The following P4HB variants were observed in gnomAD, a reference collection of about 807,000 sequenced individuals.
P4HB encodes prolyl 4-hydroxylase subunit beta, also known as protein disulfide-isomerase.
A neutral mutation model predicts 52.6 loss-of-function variants in P4HB; 20 were observed. The observed-to-expected ratio is 0.38, with a 90% CI of 0.27 to 0.55. The LOEUF is 0.55. P4HB is among the 20% of genes least tolerant of loss of function. The pLI, the probability that P4HB is intolerant of heterozygous loss-of-function variation, is 0.74. For missense variants in P4HB, 601 were observed against 669.2 expected (o/e 0.90, Z 1.12); for synonymous variants, 296 against 277.9 (o/e 1.07, Z -0.65).
chr17:81,845,838 A>C, intron 8 of P4HB, 33 bp downstream of exon 8: 1 of 1,614,032 alleles, frequency 6.2e-7, no homozygotes, highest in Non-Finnish European at 8.5e-7. Context: ...CCCTGGTGGC[A>C]CGGACCTGGG....
rs199687627 is a variant in P4HB, at chr17:81,845,130, G to T, written c.1446+14C>A. 1 of 1,599,988 alleles carries T rather than the reference G, an allele frequency of 6.3e-7. No homozygotes were observed. Among genetic ancestry groups the T allele is most frequent in the Non-Finnish European group, 8.6e-7 (1 of 1,167,934 alleles). ...GAATCCCAGAGACCAGCCCAGGGCT[G>T]TGACCCCACTCACGTCATCATCCCC... is the stretch of plus-strand genomic sequence containing the variant. On this transcript the variant is annotated intron_variant, in intron 10 of 10. Transcript: ENST00000331483.
At position 81,846,553 on chromosome 17, in the gene P4HB, T is replaced by A. The variant is rs1161124277; in HGVS notation, c.932A>T (p.Glu311Val). 6 of 1,613,954 alleles carry A rather than the reference T, an allele frequency of 3.7e-6. No individual in the cohort carries two copies. Among genetic ancestry groups the A allele is most frequent in the Non-Finnish European group, 5.1e-6 (6 of 1,180,018 alleles). ...GGTGATGAGGCGCACGGCCGGGCAC[T>A]CTTCCTTCTTCAGGCCAAAGAACTC... ...ILEFFGLKKE[E>V]CPAVRLITLE... is the part of the protein sequence containing the mutation. Residue 311 changes from glutamate (E) to valine (V), a missense_variant, in exon 7 of 11, where the codon GAG (glutamate) becomes GTG (valine). Coordinates refer to ENST00000331483, the MANE Select transcript of P4HB (RefSeq NM_000918.4). The surrounding 1 kb of genome is among the most constrained non-coding windows in gnomAD (Gnocchi z 5.7).
rs777154689 is a variant in P4HB, at chr17:81,855,426, G to C, written c.486+27C>G. On this transcript the variant is annotated intron_variant, in intron 3 of 10. Coordinates refer to ENST00000331483, the MANE Select transcript of P4HB (RefSeq NM_000918.4). This position sits in a 1 kb window ranked among gnomAD's most constrained non-coding sequence, Gnocchi z 4.3. ...CCTCCTCAATGGATGACGGAAGGAA[G>C]GAAGACTGGAATGCTCTGGTCTCTA... The C allele has an allele frequency of 1.2e-6, 2 of 1,600,856 alleles. No individual in the cohort carries two copies. Among genetic ancestry groups the C allele is most frequent in the South Asian group, 2.2e-5 (2 of 90,054 alleles).
intron 4 of P4HB, among the ~76,000 whole-genome samples, chr17:81,854,806 C>T (rs1167609095): frequency 6.7e-6 from 1 of 148,866 alleles, no homozygotes; most frequent in Non-Finnish European, 1.5e-5. Flanking sequence ...CACGCAACTG[C>T]ACTCCAGCAT....
At chr17:81,859,547 T>G in intron 1 of P4HB, 160 bp from the exon 2 acceptor site, 1 of 645,016 alleles carries the variant, frequency 1.6e-6, no homozygotes, top group Non-Finnish European at 2.7e-6. Context: ...GCTGATAGCC[T>G]GGTGTTCTTG....
chr17:81,847,518 A>C, intron 4 of P4HB, 171 bp from the exon 5 acceptor site: 1 of 636,836 alleles, frequency 1.6e-6, no homozygotes, highest in Non-Finnish European at 2.9e-6. Context: ...CTCGACAGTA[A>C]GACTGGCTCT....
intron 2 of P4HB, among the ~76,000 whole-genome samples, chr17:81,858,038 G>A (rs2038938311): frequency 1.3e-5 from 2 of 152,186 alleles, no homozygotes; most frequent in South Asian, 4.1e-4. Context: ...CACTCTAGGA[G>A]GCCGAGACGG....
chr17:81,857,645 C>T (rs1039063934), intron 2 of P4HB, among the ~76,000 whole-genome samples: 25 of 152,160 alleles, frequency 1.6e-4, no homozygotes, highest in African/African-American at 6.0e-4. Flanking sequence ...CCAGGCGTTT[C>T]GGGAGTTCTC....
intron 2 of P4HB, among the ~76,000 whole-genome samples, chr17:81,856,224 T>C (rs955492514): frequency 1.3e-5 from 2 of 151,574 alleles, no homozygotes; most frequent in African/African-American, 4.9e-5. Flanking sequence ...TAGAGTGCAG[T>C]GGCATGATCA....
At chr17:81,857,999 G>A (rs2038937437) in intron 2 of P4HB, among the ~76,000 whole-genome samples, 1 of 152,148 alleles carries the variant, frequency 6.6e-6, no homozygotes, top group Admixed American at 6.6e-5. Context: ...AGTAAAAAAT[G>A]AGAACATCAA....
intron 4 of P4HB, among the ~76,000 whole-genome samples, chr17:81,850,649 A>G (rs1006600865): frequency 5.4e-5 from 8 of 148,950 alleles, no homozygotes; most frequent in African/African-American, 2.0e-4. Context: ...ACGCCTGGCA[A>G]ATTTTGTATT....
At position 81,846,523 on chromosome 17, in the gene P4HB, T is replaced by C; in HGVS notation, c.962A>G (p.Glu321Gly). The C allele has an allele frequency of 1.2e-6, 2 of 1,613,862 alleles. No individual in the cohort carries two copies. The highest frequency in any genetic ancestry group is 1.7e-6 in the Non-Finnish European group (2 of 1,179,910). ...GGGCTTGTACTTGGTCATCTCCTCC[T>C]CCAGGGTGATGAGGCGCACGGCCGG... is the stretch of plus-strand genomic sequence containing the variant. The part of the protein sequence containing the change: ...ECPAVRLITL[E>G]EEMTKYKPES... The change falls in exon 7 of 11, where the codon GAG becomes GGG. Residue 321 changes from glutamate to glycine, a missense_variant. By Grantham distance (98) the Glu-to-Gly change is moderately conservative. Coordinates refer to ENST00000331483, the MANE Select transcript of P4HB (RefSeq NM_000918.4). The surrounding 1 kb of genome is among the most constrained non-coding windows in gnomAD (Gnocchi z 5.7).
chr17:81,860,301 G>T, intron 1 of P4HB, 26 bp downstream of exon 1: 3 of 1,414,034 alleles, frequency 2.1e-6, no homozygotes, highest in South Asian at 2.9e-5. Flanking sequence ...CCCGAGCCCC[G>T]CCCGCCCGCC....
rs532350507 is a variant in P4HB at position 81,849,055 on chromosome 17, A to G, written c.625-1708T>C. On this transcript the variant is annotated intron_variant, in intron 4 of 10. Transcript: ENST00000331483. ...AGCAAGACTCTGTCTCAAAAAAAAA[A>G]AAAAATACAAAAATACAAAAATCAG... is the stretch of plus-strand genomic sequence containing the variant. Among the ~76,000 whole-genome samples the G allele has an allele frequency of 4.9e-4, 75 of 151,684 alleles. 1 individual carries two copies. Among genetic ancestry groups the G allele is most frequent in the African/African-American group, 1.7e-3 (72 of 41,348 alleles).
At chr17:81,858,826 A>C in intron 2 of P4HB, 1 of 254,972 alleles carries the variant, frequency 3.9e-6, no homozygotes, top group Non-Finnish European at 7.8e-6. Context: ...TGTCACCCCG[A>C]GAGCTACAGC....
chr17:81,844,030 A>G lies in P4HB; in HGVS notation c.1509T>C (p.Ala503=), dbSNP rs2038693572. 1.2e-6 allele frequency: 2 copies of G among 1,613,578 alleles called. No individual in the cohort carries two copies. Among genetic ancestry groups the G allele is most frequent in the Non-Finnish European group, 1.7e-6 (2 of 1,179,560 alleles). ...TTGCGTATTACAGTTCATCTTTCAC[A>G]GCTTTCTGATCATCGTCTTCCTCCA... The part of the protein sequence containing the change: ...PDMEEDDDQK[A]VKDEL The change falls in exon 11 of 11, where the codon GCT becomes GCC. Residue 503 remains alanine, a synonymous_variant. Coordinates refer to ENST00000331483, the MANE Select transcript of P4HB (RefSeq NM_000918.4).
At chr17:81,851,560 G>C (rs1455020810) in intron 4 of P4HB, among the ~76,000 whole-genome samples, 1 of 152,244 alleles carries the variant, frequency 6.6e-6, no homozygotes, top group Admixed American at 6.5e-5. Flanking sequence ...ATGAGCTGCT[G>C]ATCACAGCCG....
At chr17:81,849,681 A>G (rs1170968109) in intron 4 of P4HB, among the ~76,000 whole-genome samples, 2 of 152,144 alleles carry the variant, frequency 1.3e-5, no homozygotes, top group African/African-American at 4.8e-5. Flanking sequence ...TGGCGCCCCA[A>G]CCACGAGGGG....
At chr17:81,847,617 G>A in intron 4 of P4HB, 1 of 516,076 alleles carries the variant, frequency 1.9e-6, no homozygotes. Flanking sequence ...CAGCAACCTT[G>A]AAGTGTGGCC....
Sources: allele counts gnomAD v4.1 joint callset (sites outside exome capture counted in the v4.1 genomes callset), GRCh38; gene constraint gnomAD v4.1.1; non-coding constraint Gnocchi (gnomAD v3.1); transcripts MANE v1.5; gene names NCBI Gene and HGNC (gene_info 2026-07-23, HGNC 2026-07-21).